The following PAPOLG variants were observed in gnomAD, a reference collection of about 807,000 sequenced individuals.
PAPOLG encodes PAP-gamma.
A neutral mutation model predicts 99.0 loss-of-function variants in PAPOLG; 40 were observed. That is an observed-to-expected ratio of 0.40 (90% CI 0.31 to 0.53). PAPOLG has a LOEUF of 0.53. Among genes scored for constraint, PAPOLG ranks in the 20% least tolerant of loss-of-function variants. PAPOLG has a pLI of 0.41. For missense variants in PAPOLG, 675 were observed against 884.1 expected (o/e 0.76, Z 3.00); for synonymous variants, 310 against 299.3 (o/e 1.04, Z -0.37).
chr2:60,756,750 T>C (rs1670354371), intron 1 of PAPOLG, among the ~76,000 whole-genome samples: 1 of 152,050 alleles, frequency 6.6e-6, no homozygotes, highest in Non-Finnish European at 1.5e-5. Flanking sequence ...CAGAAAAGGA[T>C]GAGGAGGGAA....
At chr2:60,768,240 T>C (rs947217072) in intron 3 of PAPOLG, among the ~76,000 whole-genome samples, 4 of 152,160 alleles carry the variant, frequency 2.6e-5, no homozygotes, top group African/African-American at 9.7e-5. Context: ...CAGCTGGGAT[T>C]ACAGGTGGCC....
chr2:60,793,579 A>C, intron 17 of PAPOLG, 48 bp from the exon 18 acceptor site: 6 of 1,595,066 alleles, frequency 3.8e-6, no homozygotes, highest in Non-Finnish European at 5.1e-6. Context: ...AGGAGAAAAA[A>C]AGTAATATTT....
intron 3 of PAPOLG, among the ~76,000 whole-genome samples, chr2:60,765,944 T>C (rs1233097313): frequency 1.3e-5 from 2 of 152,164 alleles, no homozygotes; most frequent in Non-Finnish European, 2.9e-5. Context: ...CAAGACTCTG[T>C]CTCTTTAAAA....
chr2:60,780,791 A>G lies in PAPOLG; in HGVS notation c.906+12A>G. 6.3e-7 allele frequency: 1 copy of G among 1,588,630 alleles called. No individual in the cohort carries two copies. Among genetic ancestry groups the G allele is most frequent in the Non-Finnish European group, 8.6e-7 (1 of 1,156,844 alleles). On this transcript the variant is annotated intron_variant, in intron 10 of 21. Transcript: ENST00000238714. The stretch of plus-strand genomic sequence containing the variant: ...TCTGGGATCCTCGGGTATGTGATTT[A>G]TTATGGAGTTTCTTTAAAGCTTTTA...
At chr2:60,796,208 C>CTTTT (rs66526788) in intron 21 of PAPOLG, among the ~76,000 whole-genome samples, 6 of 110,314 alleles carry the variant, frequency 5.4e-5, no homozygotes, top group Non-Finnish European at 7.5e-5. Flanking sequence ...TTTTGCCTTC[C>CTTTT]TTTTTTTTTT....
At chr2:60,778,407 A>T (rs1251964491) in intron 8 of PAPOLG, among the ~76,000 whole-genome samples, 2 of 151,964 alleles carry the variant, frequency 1.3e-5, no homozygotes, top group Non-Finnish European at 2.9e-5. Context: ...CAAACTCCTG[A>T]GCTCAACCAG....
Position 60,797,704 on chromosome 2 carries a change from A to G in PAPOLG, c.*544A>G, listed in dbSNP as rs1296464991. Reference sequence around the variant, plus strand: ...TTTTCTGCTTTCCTCATTTGTGTAGATGTACTGTCTGTTCTGTTGATTTAA... The same window carrying G: ...TTTTCTGCTTTCCTCATTTGTGTAGGTGTACTGTCTGTTCTGTTGATTTAA... On this transcript the variant is annotated 3_prime_UTR_variant, in exon 22 of 22. Transcript: ENST00000238714. 1 of 152,920 alleles carries G rather than the reference A, an allele frequency of 6.5e-6. No individual in the cohort carries two copies. The highest frequency in any genetic ancestry group is 2.4e-5 in the African/African-American group (1 of 41,428). The allele number at this position is 152,920 out of a possible 1,614,324, so 9.5% of individuals were successfully genotyped here.
chr2:60,760,012 C>T, intron 1 of PAPOLG, 122 bp from the exon 2 acceptor site: 1 of 966,142 alleles, frequency 1.0e-6, no homozygotes, highest in Non-Finnish European at 1.5e-6. Flanking sequence ...TCTGCCACTA[C>T]TGTTATTACT....
In PAPOLG at chr2:60,797,157, G is replaced by C. The variant is rs767503463; in HGVS notation, c.2208G>C (p.Arg736=). 17 of 1,613,812 alleles carry C rather than the reference G, an allele frequency of 1.1e-5. No individual in the cohort carries two copies. In the Admixed American group the frequency reaches 2.8e-4, roughly 27 times the overall value. The change falls in exon 22 of 22, where the codon CGG becomes CGC. Residue 736 remains arginine (R), a synonymous_variant. Coordinates refer to ENST00000238714, the MANE Select transcript of PAPOLG (RefSeq NM_022894.4). ...IKNSIRLTLN[R] Reference sequence around the variant, plus strand: ...ATTCCATTCGACTGACCCTTAATCGGTAAAAGCAGTGCCTCCTCACTTAAG... The same window carrying C: ...ATTCCATTCGACTGACCCTTAATCGCTAAAAGCAGTGCCTCCTCACTTAAG...
At position 60,775,134 on chromosome 2, in the gene PAPOLG, C is replaced by T. The variant is rs199757720; in HGVS notation, c.694+11C>T. 9.4e-6 allele frequency: 15 copies of T among 1,600,788 alleles called. No homozygotes were observed. The highest frequency in any genetic ancestry group is 1.3e-5 in the Non-Finnish European group (15 of 1,176,672). ...AATTATGGGCAAAACGTAAGTATCCCTAGTCTTTTATGTTTGCATTATAAA... is the reference window on the plus strand; with the variant it reads ...AATTATGGGCAAAACGTAAGTATCCTTAGTCTTTTATGTTTGCATTATAAA... On this transcript the variant is annotated intron_variant, in intron 8 of 21. Coordinates refer to ENST00000238714, the MANE Select transcript of PAPOLG (RefSeq NM_022894.4).
At chr2:60,767,590 C>A (rs1295783392) in intron 3 of PAPOLG, among the ~76,000 whole-genome samples, 4 of 151,912 alleles carry the variant, frequency 2.6e-5, no homozygotes, top group Non-Finnish European at 5.9e-5. Context: ...ATGACCACGC[C>A]CAGCCAAAAA....
intron 3 of PAPOLG, among the ~76,000 whole-genome samples, chr2:60,764,632 G>A (rs1426560725): frequency 6.6e-6 from 1 of 152,012 alleles, no homozygotes; most frequent in African/African-American, 2.4e-5. Flanking sequence ...TGCCATGTTG[G>A]CCAGGCTGAT....
chr2:60,797,194 T>C lies in PAPOLG; in HGVS notation c.*34T>C. The C allele has an allele frequency of 2.5e-6, 4 of 1,610,130 alleles. No individual in the cohort carries two copies. The highest frequency in any genetic ancestry group is 3.4e-6 in the Non-Finnish European group (4 of 1,176,670). On this transcript the variant is annotated 3_prime_UTR_variant, in exon 22 of 22. Transcript: ENST00000238714. ...CCTCCTCACTTAAGTGAACAAGCAATCATTTAGTGGCATAGATGCAGCCAC... is the reference window on the plus strand; with the variant it reads ...CCTCCTCACTTAAGTGAACAAGCAACCATTTAGTGGCATAGATGCAGCCAC...
At chr2:60,791,062 C>T (rs1671516146) in intron 15 of PAPOLG, among the ~76,000 whole-genome samples, 1 of 151,144 alleles carries the variant, frequency 6.6e-6, no homozygotes, top group Admixed American at 6.6e-5. Context: ...GCACTCAAGC[C>T]TGGATGACAG....
intron 17 of PAPOLG, among the ~76,000 whole-genome samples, chr2:60,793,129 C>T (rs555494396): frequency 3.4e-5 from 5 of 148,976 alleles, no homozygotes; most frequent in East Asian, 2.0e-4. Context: ...AGCTTGAGCC[C>T]GGAAGGTTGA....
Position 60,801,906 on chromosome 2 carries a change from T to C in PAPOLG, c.*4746T>C, listed in dbSNP as rs1671839098. The C allele has an allele frequency of 6.6e-6, 1 of 152,388 alleles. No individual in the cohort carries two copies. Among genetic ancestry groups the C allele is most frequent in the Non-Finnish European group, 1.5e-5 (1 of 68,046 alleles). The allele number at this position is 152,388 out of a possible 1,614,324, so 9.4% of individuals were successfully genotyped here. A position where few individuals can be genotyped will look rare whatever the true frequency, so the allele number is the denominator to read the frequency against. ...AGGATATCTTTGAGATTAATGGTGC[T>C]ACATCACTCTACAGTACTATGTAAA... On this transcript the variant is annotated 3_prime_UTR_variant, in exon 22 of 22. Transcript: ENST00000238714.
At chr2:60,763,022 C>T (rs1484128932) in intron 3 of PAPOLG, among the ~76,000 whole-genome samples, 2 of 151,850 alleles carry the variant, frequency 1.3e-5, no homozygotes, top group African/African-American at 4.8e-5. Context: ...TCACCTCAGC[C>T]TCCCCAAGTG....
chr2:60,760,369 C>T (rs1054010795), intron 2 of PAPOLG, 74 bp downstream of exon 2: 1 of 1,364,314 alleles, frequency 7.3e-7, no homozygotes, highest in East Asian at 2.3e-5. Context: ...TATTGAATAC[C>T]TACTGTGTCT....
At chr2:60,788,298 G>C (rs1332072221) in intron 15 of PAPOLG, among the ~76,000 whole-genome samples, 2 of 151,984 alleles carry the variant, frequency 1.3e-5, no homozygotes, top group African/African-American at 4.8e-5. Context: ...TTTAAGTTTT[G>C]TAGCATGTGA....
Sources: gnomAD v4.1 joint callset for allele counts (sites outside exome capture counted in the v4.1 genomes callset) on GRCh38, gnomAD v4.1.1 for gene constraint, MANE v1.5 for transcripts, NCBI Gene and HGNC (gene_info 2026-07-23, HGNC 2026-07-21) for gene names.